VWC2L: variants seen among roughly 807,000 people sequenced by gnomAD.
VWC2L encodes the protein von Willebrand factor C domain-containing protein 2-like.
Under a neutral mutation model 21.6 loss-of-function variants are expected in VWC2L, and 10 were observed. That is an observed-to-expected ratio of 0.46 (90% CI 0.29 to 0.78). VWC2L has a LOEUF of 0.78. VWC2L is among the 30% of genes least tolerant of loss of function. VWC2L has a pLI of 0.10. For synonymous variants in VWC2L, 96 were observed against 94.3 expected, an observed-to-expected ratio of 1.02 and a Z score of -0.10; for missense variants, 209 against 277.1, an observed-to-expected ratio of 0.75 and a Z score of 1.74.
chr2:214,549,786 T>C (rs1186238807), intron 3 of VWC2L, among the ~76,000 whole-genome samples: 4 of 152,000 alleles, frequency 2.6e-5, no homozygotes, highest in Non-Finnish European at 5.9e-5. Context: ...CAAAAACAAA[T>C]ACAAAAAACA....
At chr2:214,557,386 A>T (rs1689890351) in intron 3 of VWC2L, among the ~76,000 whole-genome samples, 1 of 152,152 alleles carries the variant, frequency 6.6e-6, no homozygotes, top group Non-Finnish European at 1.5e-5. Context: ...ATCTCCCACC[A>T]GTTCCCTACC....
intron 3 of VWC2L, among the ~76,000 whole-genome samples, chr2:214,499,915 T>C (rs1688868062): frequency 6.6e-6 from 1 of 152,076 alleles, no homozygotes; most frequent in African/African-American, 2.4e-5. Context: ...ATGTCAAAAG[T>C]AGGGAGAGTG....
chr2:214,468,069 T>A (rs1338357931), intron 3 of VWC2L, among the ~76,000 whole-genome samples: 2 of 151,734 alleles, frequency 1.3e-5, no homozygotes, highest in Non-Finnish European at 2.9e-5. Flanking sequence ...CAGGCTGGGG[T>A]GCAGTGGCGC....
chr2:214,433,159 G>GATATATATAT (rs5838434), intron 2 of VWC2L, among the ~76,000 whole-genome samples: 111 of 132,982 alleles, frequency 8.3e-4, no homozygotes, highest in East Asian at 4.7e-3. Flanking sequence ...CAAGCCACCT[G>GATATATATAT]ATATATATAT....
At chr2:214,546,397 C>T (rs943451869) in intron 3 of VWC2L, among the ~76,000 whole-genome samples, 1 of 152,086 alleles carries the variant, frequency 6.6e-6, no homozygotes, top group African/African-American at 2.4e-5. Context: ...CTCCTGAATG[C>T]TAATGTTTTC....
chr2:214,556,079 C>T (rs1176214766), intron 3 of VWC2L, among the ~76,000 whole-genome samples: 1 of 152,042 alleles, frequency 6.6e-6, no homozygotes, highest in Non-Finnish European at 1.5e-5. Context: ...AGAGTTCCTC[C>T]CGTCTCTACT....
chr2:214,562,005 A>G (rs1450768661), intron 3 of VWC2L, among the ~76,000 whole-genome samples: 1 of 151,900 alleles, frequency 6.6e-6, no homozygotes, highest in Non-Finnish European at 1.5e-5. Context: ...TTAATTTTTA[A>G]AGGTCTGTGG....
intron 3 of VWC2L, among the ~76,000 whole-genome samples, chr2:214,499,448 G>T (rs923122587): frequency 6.9e-6 from 1 of 145,914 alleles, no homozygotes; most frequent in African/African-American, 2.5e-5. Flanking sequence ...ACAGGCATAG[G>T]ACTATTCAGA....
At chr2:214,547,201 G>A (rs1411306847) in intron 3 of VWC2L, among the ~76,000 whole-genome samples, 1 of 89,694 alleles carries the variant, frequency 1.1e-5, no homozygotes, top group Non-Finnish European at 2.4e-5. Flanking sequence ...GAATACTTGG[G>A]GTTAGTTTAC....
intron 3 of VWC2L, among the ~76,000 whole-genome samples, chr2:214,516,836 T>TAGA (rs1159340485): frequency 1.3e-5 from 2 of 152,172 alleles, no homozygotes; most frequent in Non-Finnish European, 2.9e-5. Context: ...TAATACAAGT[T>TAGA]AGAAACTTCT....
At chr2:214,460,975 T>G (rs1352634517) in intron 3 of VWC2L, among the ~76,000 whole-genome samples, 1 of 152,184 alleles carries the variant, frequency 6.6e-6, no homozygotes, top group Non-Finnish European at 1.5e-5. Context: ...TAGTTTTGAT[T>G]CTGGGTGCAT....
chr2:214,563,287 C>T (rs113132455), intron 3 of VWC2L, among the ~76,000 whole-genome samples: 1,575 of 152,054 alleles, frequency 0.01, 30 homozygotes, highest in African/African-American at 0.036. Flanking sequence ...GTGGTGCACG[C>T]CTGTAATCCC....
intron 3 of VWC2L, among the ~76,000 whole-genome samples, chr2:214,482,416 A>G (rs1444286053): frequency 6.6e-6 from 1 of 151,774 alleles, no homozygotes; most frequent in Non-Finnish European, 1.5e-5. Context: ...CAGCATGGAG[A>G]AAATTTTTTC....
At chr2:214,457,513 T>C (rs1703074122) in intron 3 of VWC2L, among the ~76,000 whole-genome samples, 1 of 152,098 alleles carries the variant, frequency 6.6e-6, no homozygotes, top group African/African-American at 2.4e-5. Context: ...TGGTTGTGGA[T>C]TCAAGTACTG....
At chr2:214,563,169 A>G (rs1452005303) in intron 3 of VWC2L, among the ~76,000 whole-genome samples, 1 of 152,146 alleles carries the variant, frequency 6.6e-6, no homozygotes, top group African/African-American at 2.4e-5. Flanking sequence ...AATTTTCTGC[A>G]TGTGGCTAGC....
At chr2:214,427,523 C>T (rs752550993) in intron 2 of VWC2L, among the ~76,000 whole-genome samples, 2 of 152,178 alleles carry the variant, frequency 1.3e-5, no homozygotes, top group Admixed American at 6.5e-5. Context: ...TCTAAAAATA[C>T]TGTCCAATGC....
intron 3 of VWC2L, among the ~76,000 whole-genome samples, chr2:214,537,210 G>A (rs77091556): frequency 6.6e-6 from 1 of 151,960 alleles, no homozygotes; most frequent in Admixed American, 6.6e-5. Context: ...GAGCATAAAT[G>A]TCTCTGGATC....
At chr2:214,444,211 G>T (rs925134944) in intron 3 of VWC2L, among the ~76,000 whole-genome samples, 1 of 151,960 alleles carries the variant, frequency 6.6e-6, no homozygotes, top group Non-Finnish European at 1.5e-5. Context: ...AACAAACTGT[G>T]CTGGGAAACT....
intron 3 of VWC2L, among the ~76,000 whole-genome samples, chr2:214,482,805 T>C (rs898456062): frequency 2.6e-5 from 4 of 152,078 alleles, no homozygotes; most frequent in African/African-American, 7.2e-5. Context: ...TCAATTTCAG[T>C]CTACTTGATA....
Sources: gnomAD v4.1 joint callset for allele counts (sites outside exome capture counted in the v4.1 genomes callset) on GRCh38, gnomAD v4.1.1 for gene constraint, MANE v1.5 for transcripts, NCBI Gene and HGNC (gene_info 2026-07-23, HGNC 2026-07-21) for gene names.